The following PKP4 variants were observed in gnomAD, a reference collection of about 807,000 sequenced individuals.
The protein encoded by PKP4 is plakophilin-4.
A neutral mutation model predicts 145.1 loss-of-function variants in PKP4; 90 were observed. The ratio of observed to expected loss-of-function variants is 0.62; its 90% CI spans 0.52 to 0.74. PKP4 has a LOEUF of 0.74. Among genes scored for constraint, PKP4 ranks in the 30% least tolerant of loss-of-function variants. The pLI is 0.00. For missense variants in PKP4, 1,340 were observed against 1,482.7 expected (o/e 0.90, Z 1.58); for synonymous variants, 563 against 577.2 (o/e 0.98, Z 0.35).
chr2:158,645,841 G>T (rs941192865), intron 11 of PKP4, among the ~76,000 whole-genome samples: 4 of 152,214 alleles, frequency 2.6e-5, no homozygotes, highest in African/African-American at 4.8e-5. Flanking sequence ...AGGAAGAAAA[G>T]TACATGATTG....
intron 1 of PKP4, among the ~76,000 whole-genome samples, chr2:158,519,967 A>G (rs2042233614): frequency 6.6e-6 from 1 of 152,050 alleles, no homozygotes; most frequent in South Asian, 2.1e-4. Context: ...GCTATAAAGG[A>G]TCCTGAATCC....
intron 1 of PKP4, among the ~76,000 whole-genome samples, chr2:158,531,515 T>C (rs1453584297): frequency 6.6e-6 from 1 of 152,228 alleles, no homozygotes; most frequent in East Asian, 1.9e-4. Flanking sequence ...TTATAGACCT[T>C]AGATCTTCTC....
intron 13 of PKP4, chr2:158,662,254 A>G (rs1420284972): frequency 6.6e-6 from 1 of 152,276 alleles, no homozygotes; most frequent in Non-Finnish European, 1.5e-5. Flanking sequence ...GAACCAGGAG[A>G]TCTGCAGATG....
At chr2:158,533,011 T>G (rs989398393) in intron 1 of PKP4, among the ~76,000 whole-genome samples, 169 bp from the exon 2 acceptor site, 1 of 152,202 alleles carries the variant, frequency 6.6e-6, no homozygotes, top group Non-Finnish European at 1.5e-5. Context: ...GATAAGTTAG[T>G]CATATTTACT....
At chr2:158,605,211 G>A (rs79215731) in intron 4 of PKP4, among the ~76,000 whole-genome samples, 4,458 of 152,238 alleles carry the variant, frequency 0.029, 188 homozygotes, top group East Asian at 0.18. Flanking sequence ...TGCTTTACAC[G>A]TCCTAGGAAT....
chr2:158,465,860 T>G (rs978082314), intron 1 of PKP4, among the ~76,000 whole-genome samples: 1 of 152,222 alleles, frequency 6.6e-6, no homozygotes, highest in Non-Finnish European at 1.5e-5. Context: ...CTATTAATAC[T>G]ATTAGTCTGA....
At chr2:158,544,818 G>T (rs148102593) in intron 2 of PKP4, among the ~76,000 whole-genome samples, 313 of 152,284 alleles carry the variant, frequency 2.1e-3, no homozygotes, top group Admixed American at 3.5e-3. Context: ...CAAACACTGT[G>T]TCAAGAGGGC....
At chr2:158,485,831 AGTTT>A (rs547161348) in intron 1 of PKP4, among the ~76,000 whole-genome samples, 62 of 152,346 alleles carry the variant, frequency 4.1e-4, no homozygotes, top group African/African-American at 1.4e-3. Context: ...GACATTAATT[AGTTT>A]ATGTTCAGTA....
chr2:158,638,065 T>G (rs1035880291), intron 9 of PKP4, among the ~76,000 whole-genome samples: 3 of 152,234 alleles, frequency 2.0e-5, no homozygotes, highest in Non-Finnish European at 4.4e-5. Context: ...TTGTAATGAT[T>G]GTGAGTCATC....
Position 158,676,727 on chromosome 2 carries a change from C to T in PKP4, c.3128-12C>T. The T allele has an allele frequency of 6.2e-7, 1 of 1,614,126 alleles. No individual in the cohort carries two copies. Among genetic ancestry groups the T allele is most frequent in the Non-Finnish European group, 8.5e-7 (1 of 1,179,986 alleles). Reference sequence around the variant, plus strand: ...TACCCCTCTTTCTCTCCTCCTTTGCCTCTCCCTTCAGTCGGCAGCACCTCT... The same window carrying T: ...TACCCCTCTTTCTCTCCTCCTTTGCTTCTCCCTTCAGTCGGCAGCACCTCT... On this transcript the variant is annotated splice_polypyrimidine_tract_variant and intron_variant, in intron 19 of 21. Coordinates refer to ENST00000389759, the MANE Select transcript of PKP4 (RefSeq NM_003628.6).
chr2:158,539,815 T>C (rs1345914578), intron 2 of PKP4, among the ~76,000 whole-genome samples: 1 of 152,220 alleles, frequency 6.6e-6, no homozygotes, highest in African/African-American at 2.4e-5. Flanking sequence ...GTTTGGCTTG[T>C]ATTCAAGAAT....
At chr2:158,589,436 A>G (rs767698891) in intron 3 of PKP4, among the ~76,000 whole-genome samples, 3 of 152,086 alleles carry the variant, frequency 2.0e-5, no homozygotes, top group Non-Finnish European at 4.4e-5. Context: ...AACACATGCT[A>G]TCTAGGTAAA....
In PKP4 at chr2:158,478,596, G is replaced by A. The variant is rs1028199615; in HGVS notation, c.-6+21378G>A. Among the ~76,000 whole-genome samples the A allele has an allele frequency of 2.0e-5, 3 of 152,138 alleles. No individual in the cohort carries two copies. In the East Asian group the frequency reaches 5.8e-4, roughly 29 times the overall value. On this transcript the variant is annotated intron_variant, in intron 1 of 21. Coordinates refer to ENST00000389759, the MANE Select transcript of PKP4 (RefSeq NM_003628.6). ...ATAGATCGCCTAAGTTATCAGTGAT[G>A]GCTTAAACCTTAATTCATTGTGATA...
intron 2 of PKP4, among the ~76,000 whole-genome samples, chr2:158,543,170 A>G (rs1223604604): frequency 2.0e-5 from 3 of 152,060 alleles, no homozygotes; most frequent in Admixed American, 6.6e-5. Context: ...ATTTTTTTAA[A>G]TTTTTGGAAT....
intron 11 of PKP4, among the ~76,000 whole-genome samples, chr2:158,654,804 A>G (rs2055757106): frequency 1.3e-5 from 2 of 152,214 alleles, no homozygotes; most frequent in African/African-American, 4.8e-5. Flanking sequence ...TCTGATAGGT[A>G]GGAAATAAAA....
intron 21 of PKP4, 65 bp downstream of exon 21, chr2:158,678,719 C>T (rs1046660821): frequency 2.9e-6 from 3 of 1,021,510 alleles, no homozygotes; most frequent in South Asian, 2.5e-5. Flanking sequence ...GGGTCCACGT[C>T]GATTGACTTC....
Position 158,666,484 on chromosome 2 carries a change from G to T in PKP4, c.2649G>T (p.Met883Ile), listed in dbSNP as rs764312188. Reference sequence around the variant, plus strand: ...CCATCCTTGTGGAGCTTCTGAGAATGGATAACGATAGAGTTGTTTCTTCCG... The same window carrying T: ...CCATCCTTGTGGAGCTTCTGAGAATTGATAACGATAGAGTTGTTTCTTCCG... Reference protein sequence around the residue: ...GLPILVELLRMDNDRVVSSVA... With the variant: ...GLPILVELLRIDNDRVVSSVA... The change falls in exon 16 of 22, where the codon ATG (methionine) becomes ATT (isoleucine). Residue 883 changes from methionine (M) to isoleucine (I), a missense_variant. Physicochemically the swap from Met to Ile is conservative, Grantham distance 10 (BLOSUM62 1). Transcript: ENST00000389759. 19 of 1,613,562 alleles carry T rather than the reference G, an allele frequency of 1.2e-5. No individual in the cohort carries two copies. Among genetic ancestry groups the T allele is most frequent in the Middle Eastern group, 1.7e-4 (1 of 6,060 alleles).
intron 2 of PKP4, chr2:158,549,270 C>T (rs530150325): frequency 6.5e-6 from 1 of 153,300 alleles, no homozygotes; most frequent in Non-Finnish European, 1.5e-5. Context: ...CAAAAATTCT[C>T]CTTCCAAAAA....
rs2055823671 is a variant in PKP4, at chr2:158,655,503, G to A, written c.1910-2628G>A. Among the ~76,000 whole-genome samples, 3 of 152,108 alleles carry A rather than the reference G, an allele frequency of 2.0e-5. No homozygotes were observed. The South Asian group carries it at 6.2e-4, about 32-fold the overall frequency. On this transcript the variant is annotated intron_variant, in intron 11 of 21. Coordinates refer to ENST00000389759, the MANE Select transcript of PKP4 (RefSeq NM_003628.6). ...AAAAACTACTCTTCTTCTTAGTCAT[G>A]TTTTCACCTGAAGTTTGTGACACAG...
Sources: gnomAD v4.1 joint callset for allele counts (sites outside exome capture counted in the v4.1 genomes callset) on GRCh38, gnomAD v4.1.1 for gene constraint, MANE v1.5 for transcripts, NCBI Gene and HGNC (gene_info 2026-07-23, HGNC 2026-07-21) for gene names.